Variants in AGAP1 observed in about 807,000 individuals in gnomAD.
The protein encoded by AGAP1 is ArfGAP with GTPase domain, ankyrin repeat and PH domain 1.
AGAP1 carries 29 observed loss-of-function variants against 105.3 expected under a neutral mutation model. That is an observed-to-expected ratio of 0.28 (90% CI 0.21 to 0.38). The LOEUF (loss-of-function observed/expected upper bound fraction) is 0.38, where lower values mean the gene tolerates loss of function less well. AGAP1 is among the 10% of genes least tolerant of loss of function. The probability of loss-of-function intolerance (pLI) is 1.00; values close to 1 mark genes in which losing one functional copy is unlikely to be tolerated. For missense variants in AGAP1, 998 were observed against 1,165.1 expected, an observed-to-expected ratio of 0.86 and a Z score of 2.09; for synonymous variants, 509 against 485.9, an observed-to-expected ratio of 1.05 and a Z score of -0.63.
intron 6 of AGAP1, among the ~76,000 whole-genome samples, chr2:235,758,572 G>A (rs1040392986): frequency 6.6e-6 from 1 of 152,156 alleles, no homozygotes; most frequent in Non-Finnish European, 1.5e-5. Context: ...GGACAGATGG[G>A]TGGTAGATGT....
chr2:236,044,045 G>A lies in AGAP1; in HGVS notation c.1891+3204G>A, dbSNP rs1440544274. On this transcript the variant is annotated intron_variant, in intron 15 of 17. Transcript: ENST00000304032. This position sits in a 1 kb window ranked among gnomAD's most constrained non-coding sequence, Gnocchi z 5.7. The stretch of plus-strand genomic sequence containing the variant: ...GTCTGCTCACTGGGCACATCCCAGA[G>A]CACTGTTTCCAGAGTGGACGCTGAG... Among the ~76,000 whole-genome samples the A allele has an allele frequency of 6.6e-6, 1 of 152,182 alleles. No individual in the cohort carries two copies. Among genetic ancestry groups the A allele is most frequent in the Non-Finnish European group, 1.5e-5 (1 of 68,032 alleles).
In AGAP1 at chr2:236,044,537, C is replaced by T. The variant is rs1194538450; in HGVS notation, c.1891+3696C>T. 6.6e-6 allele frequency among the ~76,000 whole-genome samples: 1 copy of T among 152,116 alleles called. No individual in the cohort carries two copies. Among genetic ancestry groups the T allele is most frequent in the Non-Finnish European group, 1.5e-5 (1 of 68,038 alleles). On this transcript the variant is annotated intron_variant, in intron 15 of 17. Transcript: ENST00000304032. The surrounding 1 kb of genome is among the most constrained non-coding windows in gnomAD (Gnocchi z 5.7). ...TCACAGGTGCCCCTCTCTCCTGGGC[C>T]TTTCTCATGTCTAGAATCCTGCCTT...
intron 1 of AGAP1, among the ~76,000 whole-genome samples, chr2:235,613,412 G>A (rs1946204158): frequency 6.6e-6 from 1 of 152,178 alleles, no homozygotes; most frequent in South Asian, 2.1e-4. Flanking sequence ...ATCCAAAGTT[G>A]TTTACACTTA....
intron 1 of AGAP1, among the ~76,000 whole-genome samples, chr2:235,629,872 A>AAG: frequency 1.3e-5 from 2 of 151,172 alleles, no homozygotes; most frequent in South Asian, 4.2e-4. Flanking sequence ...TCAAAAAAAA[A>AAG]AAAAAAAAAA....
rs918181757 is a variant in AGAP1, at chr2:235,691,631, C to T, written c.164-17548C>T. Among the ~76,000 whole-genome samples the T allele has an allele frequency of 5.9e-5, 9 of 152,208 alleles. No individual in the cohort carries two copies. The highest frequency in any genetic ancestry group is 8.8e-5 in the Non-Finnish European group (6 of 68,040). On this transcript the variant is annotated intron_variant, in intron 1 of 17. Coordinates refer to ENST00000304032, the MANE Select transcript of AGAP1 (RefSeq NM_001037131.3). The surrounding 1 kb of genome is among the most constrained non-coding windows in gnomAD (Gnocchi z 4.4). ...ACAAGTGCTGGACAGTGGACACCAG[C>T]GGGAGACTCAGTACAAATCATGTTG...
In AGAP1 at chr2:235,728,339, A is replaced by T. The variant is rs1247212106; in HGVS notation, c.310+10695A>T. On this transcript the variant is annotated intron_variant, in intron 3 of 17. Transcript: ENST00000304032. This position sits in a 1 kb window ranked among gnomAD's most constrained non-coding sequence, Gnocchi z 4.3. ...TGTGTGTGTGTGTGCGTGCTCTTAA[A>T]TCAATGTAAATTAGGCTATATACAG... is the stretch of plus-strand genomic sequence containing the variant. Among the ~76,000 whole-genome samples the T allele has an allele frequency of 2.1e-5, 3 of 144,740 alleles. No individual in the cohort carries two copies. Among genetic ancestry groups the T allele is most frequent in the Non-Finnish European group, 4.4e-5 (3 of 67,938 alleles). The allele number at this position is 144,740 out of a possible 152,430, so 95.0% of individuals were successfully genotyped here.
In AGAP1 at chr2:235,777,474, C is replaced by T. The variant is rs963182847; in HGVS notation, c.674-20285C>T. 6.6e-6 allele frequency among the ~76,000 whole-genome samples: 1 copy of T among 152,252 alleles called. No homozygotes were observed. The highest frequency in any genetic ancestry group is 2.4e-5 in the African/African-American group (1 of 41,474). The stretch of plus-strand genomic sequence containing the variant: ...TGGGGCTGATTCCCACCTGCCTCCT[C>T]GTTATCAGCAGGCAGCCTTGCGTCT... On this transcript the variant is annotated intron_variant, in intron 6 of 17. Coordinates refer to ENST00000304032, the MANE Select transcript of AGAP1 (RefSeq NM_001037131.3). This position sits in a 1 kb window ranked among gnomAD's most constrained non-coding sequence, Gnocchi z 5.1.
chr2:235,959,767 A>G lies in AGAP1; in HGVS notation c.1484-8695A>G, dbSNP rs2054104318. Among the ~76,000 whole-genome samples, 1 of 152,134 alleles carries G rather than the reference A, an allele frequency of 6.6e-6. No individual in the cohort carries two copies. Among genetic ancestry groups the G allele is most frequent in the African/African-American group, 2.4e-5 (1 of 41,432 alleles). On this transcript the variant is annotated intron_variant, in intron 12 of 17. Transcript: ENST00000304032. The surrounding 1 kb of genome is among the most constrained non-coding windows in gnomAD (Gnocchi z 7.3). ...GCCCTCCCACAGGCAAGCATCTGGA[A>G]CTAGCACCAGAGCTTCCTCCTGTCA... is the stretch of plus-strand genomic sequence containing the variant.
intron 13 of AGAP1, among the ~76,000 whole-genome samples, chr2:236,031,834 G>C (rs538787479): frequency 5.3e-5 from 8 of 152,202 alleles, no homozygotes; most frequent in Admixed American, 1.3e-4. Flanking sequence ...CCTGGCATTG[G>C]GCTCTCTCTG....
rs1946446760 is a variant in AGAP1 at position 235,620,626 on chromosome 2, C to T, written c.164-88553C>T. On this transcript the variant is annotated intron_variant, in intron 1 of 17. Transcript: ENST00000304032. The surrounding 1 kb of genome is among the most constrained non-coding windows in gnomAD (Gnocchi z 4.5). ...CCTCCCAGCCACAGCCCCTCCTCCT[C>T]ACCTCCTCACCTGCTTCCTATTTCC... Among the ~76,000 whole-genome samples, 1 of 152,156 alleles carries T rather than the reference C, an allele frequency of 6.6e-6. No individual in the cohort carries two copies. Among genetic ancestry groups the T allele is most frequent in the Middle Eastern group, 3.2e-3 (1 of 316 alleles).
intron 11 of AGAP1, among the ~76,000 whole-genome samples, chr2:235,925,554 C>G (rs1333747949): frequency 2.0e-5 from 3 of 152,192 alleles, no homozygotes. Flanking sequence ...TATTAGCCTT[C>G]CTGAACTGGC....
At chr2:235,626,337 G>A (rs764910084) in intron 1 of AGAP1, among the ~76,000 whole-genome samples, 5 of 152,162 alleles carry the variant, frequency 3.3e-5, no homozygotes, top group Non-Finnish European at 5.9e-5. Flanking sequence ...CAGCCTGGGC[G>A]ACAGAGTGAG....
At chr2:235,522,855 G>C (rs1286778636) in intron 1 of AGAP1, among the ~76,000 whole-genome samples, 1 of 152,206 alleles carries the variant, frequency 6.6e-6, no homozygotes, top group Admixed American at 6.5e-5. Flanking sequence ...TGGGCAACCT[G>C]TGGGCAGAAG....
intron 1 of AGAP1, chr2:235,670,095 G>A (rs1167868482): frequency 1.1e-5 from 5 of 463,020 alleles, no homozygotes; most frequent in Non-Finnish European, 1.9e-5. Context: ...CAGCGCGCGG[G>A]CGACATGTAC....
intron 1 of AGAP1, among the ~76,000 whole-genome samples, chr2:235,584,457 A>G (rs1945036194): frequency 6.8e-6 from 1 of 147,288 alleles, no homozygotes; most frequent in Admixed American, 7.0e-5. Context: ...GTAATTAGTT[A>G]AGATGAGGTC....
At position 235,572,432 on chromosome 2, in the gene AGAP1, C is replaced by T. The variant is rs72986836; in HGVS notation, c.163+77583C>T. On this transcript the variant is annotated intron_variant, in intron 1 of 17. Coordinates refer to ENST00000304032, the MANE Select transcript of AGAP1 (RefSeq NM_001037131.3). Reference sequence around the variant, plus strand: ...AGGCAGTGGGGGTGATATCCATCAGCAGGTTCCACCACTGGGCACCACCAC... The same window carrying T: ...AGGCAGTGGGGGTGATATCCATCAGTAGGTTCCACCACTGGGCACCACCAC... Among the ~76,000 whole-genome samples the T allele has an allele frequency of 3.4e-3, 514 of 152,174 alleles. 3 individuals are homozygous for T. The highest frequency in any genetic ancestry group is 4.5e-3 in the Non-Finnish European group (305 of 67,992).
intron 1 of AGAP1, among the ~76,000 whole-genome samples, chr2:235,496,882 T>A (rs982116776): frequency 6.6e-5 from 10 of 152,204 alleles, no homozygotes; most frequent in African/African-American, 2.2e-4. Context: ...TAATAAGGCT[T>A]AGAATCATTG....
At chr2:235,916,924 A>C (rs931021310) in intron 11 of AGAP1, among the ~76,000 whole-genome samples, 1 of 152,214 alleles carries the variant, frequency 6.6e-6, no homozygotes, top group Non-Finnish European at 1.5e-5. Context: ...GGGGGCAGAC[A>C]GAAGAAATGC....
chr2:235,853,409 T>A (rs1250475614), intron 9 of AGAP1, among the ~76,000 whole-genome samples: 1 of 152,248 alleles, frequency 6.6e-6, no homozygotes, highest in African/African-American at 2.4e-5. Context: ...TCCTTTCTAA[T>A]TAACCCCCAG....
Sources: gnomAD v4.1 joint callset for allele counts (sites outside exome capture counted in the v4.1 genomes callset) on GRCh38, gnomAD v4.1.1 for gene constraint, Gnocchi (gnomAD v3.1) non-coding constraint, MANE v1.5 for transcripts, NCBI Gene and HGNC (gene_info 2026-07-23, HGNC 2026-07-21) for gene names.